Variants in PM20D1 observed in about 807,000 individuals in gnomAD.
PM20D1 encodes peptidase M20 domain containing 1.
Under a neutral mutation model 53.8 loss-of-function variants are expected in PM20D1, and 53 were observed. That is an observed-to-expected ratio of 0.98 (90% confidence interval 0.79 to 1.24). The LOEUF (loss-of-function observed/expected upper bound fraction) is 1.24, where lower values mean the gene tolerates loss of function less well. Ranked by LOEUF, PM20D1 falls within the 50% of genes most tolerant of loss-of-function variation. The probability of loss-of-function intolerance (pLI) is 0.00; values close to 1 mark genes in which losing one functional copy is unlikely to be tolerated. For synonymous variants in PM20D1, 239 were observed against 241.3 expected, an observed-to-expected ratio of 0.99 and a Z score of 0.09; for missense variants, 564 against 616.8, an observed-to-expected ratio of 0.91 and a Z score of 0.91.
chr1:205,844,013 C>G (rs1571678333), intron 5 of PM20D1, 74 bp downstream of exon 5: 2 of 1,543,718 alleles, frequency 1.3e-6, no homozygotes, highest in East Asian at 4.5e-5. Context: ...GCATGGCTCA[C>G]AGATACCAGG....
chr1:205,844,934 G>A (rs375139761), intron 3 of PM20D1, 37 bp from the exon 4 acceptor site: 119 of 1,568,028 alleles, frequency 7.6e-5, no homozygotes, highest in African/African-American at 2.2e-4. Flanking sequence ...GGAAAAAGAC[G>A]TTATTTAGGT....
At chr1:205,841,609 T>C (rs1479896934) in intron 9 of PM20D1, among the ~76,000 whole-genome samples, 1 of 152,172 alleles carries the variant, frequency 6.6e-6, no homozygotes, top group Non-Finnish European at 1.5e-5. Flanking sequence ...TGGTGCCCCC[T>C]GAAGTTGTGC....
rs1211590226 is a variant in PM20D1 at position 205,830,273 on chromosome 1, C to A, written c.1385+7G>T. The A allele has an allele frequency of 6.4e-7, 1 of 1,569,848 alleles. No homozygotes were observed. Among genetic ancestry groups the A allele is most frequent in the Middle Eastern group, 1.7e-4 (1 of 5,946 alleles). On this transcript the variant is annotated splice_region_variant and intron_variant, in intron 12 of 12. Coordinates refer to ENST00000367136, the MANE Select transcript of PM20D1 (RefSeq NM_152491.5). ...TCCCACCTGCTGCTCAAACCTGTTC[C>A]ACTCACCGTTTGAAGTCTTCAGGCT...
At chr1:205,831,097 A>G (rs1656548958) in intron 11 of PM20D1, among the ~76,000 whole-genome samples, 1 of 152,120 alleles carries the variant, frequency 6.6e-6, no homozygotes, top group South Asian at 2.1e-4. Context: ...GTGCCAGGAT[A>G]CTCTCTTTCC....
chr1:205,832,895 T>A lies in PM20D1; in HGVS notation c.1117-129A>T, dbSNP rs545911006. On this transcript the variant is annotated intron_variant, in intron 10 of 12. Coordinates refer to ENST00000367136, the MANE Select transcript of PM20D1 (RefSeq NM_152491.5). ...GGTTTACAGACAGGACTTATTTTTT[T>A]TAAGCACTGGGACTTCAATTTCAGC... The A allele has an allele frequency of 5.1e-4, 554 of 1,088,124 alleles. 1 individual carries two copies. Among genetic ancestry groups the A allele is most frequent in the South Asian group, 1.8e-3 (92 of 51,314 alleles). 67.4% of individuals were successfully genotyped at this position (1,088,124 alleles called of 1,614,324 possible).
Position 205,850,107 on chromosome 1 carries a change from G to C in PM20D1, c.-35C>G. 6.2e-7 allele frequency: 1 copy of C among 1,600,022 alleles called. No homozygotes were observed. Among genetic ancestry groups the C allele is most frequent in the Non-Finnish European group, 8.5e-7 (1 of 1,171,324 alleles). Reference sequence around the variant, plus strand: ...GAGCTCCTGCTGTCAGGCTACCGGGGTAGTTCTGACCTAAACGCCCAGACT... The same window carrying C: ...GAGCTCCTGCTGTCAGGCTACCGGGCTAGTTCTGACCTAAACGCCCAGACT... On this transcript the variant is annotated 5_prime_UTR_variant, in exon 1 of 13. Transcript: ENST00000367136.
chr1:205,847,591 A>G (rs1412586942), intron 2 of PM20D1, among the ~76,000 whole-genome samples: 1 of 150,238 alleles, frequency 6.7e-6, no homozygotes, highest in Non-Finnish European at 1.5e-5. Flanking sequence ...GCACAAGTAG[A>G]AGGAAATCCT....
intron 11 of PM20D1, 77 bp downstream of exon 11, chr1:205,832,521 G>A: frequency 2.0e-6 from 3 of 1,494,348 alleles, no homozygotes; most frequent in Non-Finnish European, 2.8e-6. Flanking sequence ...TCTAGGGTGG[G>A]GGTGGGGAAG....
At chr1:205,829,197 T>A (rs923736551) in intron 12 of PM20D1, among the ~76,000 whole-genome samples, 5 of 152,158 alleles carry the variant, frequency 3.3e-5, no homozygotes, top group East Asian at 1.9e-4. Context: ...TTTTTATTTT[T>A]AAATTTTTTT....
At chr1:205,842,556 A>C in intron 7 of PM20D1, 120 bp downstream of exon 7, 1 of 972,620 alleles carries the variant, frequency 1.0e-6, no homozygotes, top group Non-Finnish European at 1.6e-6. Context: ...CTGGCTGGGA[A>C]TAGGTGAGAA....
At chr1:205,846,751 T>C (rs1447688648) in intron 2 of PM20D1, among the ~76,000 whole-genome samples, 1 of 152,126 alleles carries the variant, frequency 6.6e-6, no homozygotes, top group Non-Finnish European at 1.5e-5. Flanking sequence ...CTTAGCTACA[T>C]AGGAGAAATA....
At chr1:205,846,706 G>A (rs1656994077) in intron 2 of PM20D1, among the ~76,000 whole-genome samples, 1 of 152,136 alleles carries the variant, frequency 6.6e-6, no homozygotes, top group Admixed American at 6.5e-5. Flanking sequence ...CTGCGTGCAG[G>A]TGTAGATGTT....
Position 205,842,739 on chromosome 1 carries a change from T to C in PM20D1, c.840A>G (p.Thr280=). The C allele has an allele frequency of 1.2e-6, 2 of 1,614,032 alleles. No homozygotes were observed. Among genetic ancestry groups the C allele is most frequent in the Non-Finnish European group, 8.5e-7 (1 of 1,180,020 alleles). The change falls in exon 7 of 13, where the codon ACA becomes ACG. Residue 280 remains threonine, a synonymous_variant. Coordinates refer to ENST00000367136, the MANE Select transcript of PM20D1 (RefSeq NM_152491.5). ...LAAAVSRLEQ[T]PMPIIFGSGT... The stretch of plus-strand genomic sequence containing the variant: ...CGCTTCCAAATATGATAGGCATTGG[T>C]GTCTGCTCCAATCTGGAAGAGAAAC...
In PM20D1 at chr1:205,845,318, C is replaced by T. The variant is rs1272207867; in HGVS notation, c.489+7G>A. On this transcript the variant is annotated splice_region_variant and intron_variant, in intron 3 of 12. Coordinates refer to ENST00000367136, the MANE Select transcript of PM20D1 (RefSeq NM_152491.5). The stretch of plus-strand genomic sequence containing the variant: ...CCCCAAGGCAGAGGGAACATTGCAT[C>T]TCAGACCATCACAGAGTTCTTGTCG... 2.5e-6 allele frequency: 4 copies of T among 1,612,058 alleles called. No homozygotes were observed. In the South Asian group the frequency reaches 4.4e-5, roughly 18 times the overall value.
In PM20D1 at chr1:205,850,105, G is replaced by A. The variant is rs774386887; in HGVS notation, c.-33C>T. On this transcript the variant is annotated 5_prime_UTR_variant, in exon 1 of 13. Transcript: ENST00000367136. ...TCGAGCTCCTGCTGTCAGGCTACCG[G>A]GGTAGTTCTGACCTAAACGCCCAGA... 1.3e-6 allele frequency: 2 copies of A among 1,599,912 alleles called. No individual in the cohort carries two copies. Among genetic ancestry groups the A allele is most frequent in the East Asian group, 2.2e-5 (1 of 44,556 alleles).
Position 205,845,381 on chromosome 1 carries a change from C to G in PM20D1, c.433G>C (p.Glu145Gln), listed in dbSNP as rs1462402347. The G allele has an allele frequency of 1.2e-6, 2 of 1,614,092 alleles. No homozygotes were observed. Among genetic ancestry groups the G allele is most frequent in the Non-Finnish European group, 8.5e-7 (1 of 1,180,040 alleles). ...CGACCATAGATGATGCCATCACGCT[C>G]CAACCCAGAGAATGGGGGCACCTCC... ...GWEVPPFSGL[E>Q]RDGIIYGRGT... The change falls in exon 3 of 13, where the codon GAG becomes CAG. Residue 145 changes from glutamate (E) to glutamine (Q), a missense_variant. Coordinates refer to ENST00000367136, the MANE Select transcript of PM20D1 (RefSeq NM_152491.5).
At chr1:205,839,108 G>GA (rs568194552) in intron 10 of PM20D1, among the ~76,000 whole-genome samples, 2 of 152,118 alleles carry the variant, frequency 1.3e-5, no homozygotes, top group African/African-American at 2.4e-5. Flanking sequence ...ACAGATTAGG[G>GA]CCCAAACTCC....
Position 205,845,528 on chromosome 1 carries a change from T to A in PM20D1, c.286A>T (p.Ile96Phe), listed in dbSNP as rs758778934. Residue 96 changes from isoleucine to phenylalanine, a missense_variant, in exon 3 of 13, where the codon ATC becomes TTC. By Grantham distance (21) the Ile-to-Phe change is conservative (BLOSUM62 0). Coordinates refer to ENST00000367136, the MANE Select transcript of PM20D1 (RefSeq NM_152491.5). ...TACTCTTCCACGACTTCATGCTGGA[T>A]AAAGCTGGTGCTGACCACTGTAGGA... ...VFPTVVSTSF[I>F]QHEVVEEYSH... is the part of the protein sequence containing the mutation. 1.2e-6 allele frequency: 2 copies of A among 1,614,146 alleles called. No individual in the cohort carries two copies. Among genetic ancestry groups the A allele is most frequent in the South Asian group, 2.2e-5 (2 of 91,082 alleles).
rs758120852 is a variant in PM20D1, at chr1:205,844,073, G to C, written c.707+14C>G. ...GAATTCCCTCCAAGGTGTGGGGTGG[G>C]ATGCTTTACTCACAAGGCGATGGGC... On this transcript the variant is annotated intron_variant, in intron 5 of 12. Transcript: ENST00000367136. The C allele has an allele frequency of 6.2e-7, 1 of 1,602,284 alleles. No homozygotes were observed. The highest frequency in any genetic ancestry group is 1.3e-5 in the African/African-American group (1 of 74,702).
Sources: gnomAD v4.1 joint callset for allele counts (sites outside exome capture counted in the v4.1 genomes callset) on GRCh38, gnomAD v4.1.1 for gene constraint, MANE v1.5 for transcripts, NCBI Gene and HGNC (gene_info 2026-07-23, HGNC 2026-07-21) for gene names.